The following EIF3A variants were observed in gnomAD, a reference collection of about 807,000 sequenced individuals.
EIF3A encodes eukaryotic translation initiation factor 3 subunit A.
EIF3A carries 21 observed loss-of-function variants against 186.6 expected under a neutral mutation model. The observed-to-expected ratio is 0.11, with a 90% CI of 0.08 to 0.16. The LOEUF is 0.16. Among genes scored for constraint, EIF3A ranks in the 10% least tolerant of loss-of-function variants. The probability of loss-of-function intolerance (pLI) is 1.00; values close to 1 mark genes in which losing one functional copy is unlikely to be tolerated. For missense variants in EIF3A, 1,306 were observed against 1,796.3 expected (o/e 0.73, Z 4.93); for synonymous variants, 563 against 584.3 (o/e 0.96, Z 0.52).
chr10:119,038,200 G>A (rs780829409), intron 20 of EIF3A, 38 bp downstream of exon 20: 59 of 1,564,274 alleles, frequency 3.8e-5, no homozygotes, highest in South Asian at 2.7e-4. Context: ...GAGCCACTGC[G>A]CCCGGCCTCT....
Position 119,056,864 on chromosome 10 carries a change from C to A in EIF3A, c.2083-11G>T, listed in dbSNP as rs760317450. The stretch of plus-strand genomic sequence containing the variant: ...TTCAAAATAGTCAATCTGAATGACA[C>A]GAAAACACACGTAGTTTTAAAAAAT... On this transcript the variant is annotated splice_polypyrimidine_tract_variant and intron_variant, in intron 13 of 21. Transcript: ENST00000369144. 1.9e-6 allele frequency: 3 copies of A among 1,600,202 alleles called. No homozygotes were observed. Among genetic ancestry groups the A allele is most frequent in the Admixed American group, 3.3e-5 (2 of 59,972 alleles).
chr10:119,036,438 C>T (rs188612933), intron 21 of EIF3A, among the ~76,000 whole-genome samples, 170 bp from the exon 22 acceptor site: 11 of 152,212 alleles, frequency 7.2e-5, no homozygotes, highest in Admixed American at 6.5e-4. Context: ...AAAGCTCATA[C>T]AATTTCTGAC....
chr10:119,069,206 G>C (rs1257810539), intron 6 of EIF3A, among the ~76,000 whole-genome samples: 1 of 38,634 alleles, frequency 2.6e-5, no homozygotes, highest in African/African-American at 3.3e-5. Context: ...AATGTCTTGA[G>C]ACGTCTTAAT....
At position 119,042,638 on chromosome 10, in the gene EIF3A, C is replaced by T. The variant is rs1476435369; in HGVS notation, c.2882G>A (p.Gly961Asp). The T allele has an allele frequency of 6.2e-7, 1 of 1,614,218 alleles. No individual in the cohort carries two copies. Among genetic ancestry groups the T allele is most frequent in the Non-Finnish European group, 8.5e-7 (1 of 1,180,046 alleles). Residue 961 changes from glycine to aspartate, a missense_variant, in exon 19 of 22, where the codon GGC (glycine) becomes GAC (aspartate). Gly to Asp is a moderately conservative substitution (Grantham distance 94, BLOSUM62 -1). Around this residue, in one of 8 missense-constraint regions of EIF3A, gnomAD observed 410 missense variants for 473.5 expected, o/e 0.87. Coordinates refer to ENST00000369144, the MANE Select transcript of EIF3A (RefSeq NM_003750.4). The surrounding 1 kb of genome is among the most constrained non-coding windows in gnomAD (Gnocchi z 7.8). ...RPDDDRVPRR[G>D]MDDDRGPRRG... is the part of the protein sequence containing the mutation. The stretch of plus-strand genomic sequence containing the variant: ...TCTAGGGCCTCTGTCATCATCCATG[C>T]CACGCCGGGGAACCCGATCATCGTC...
At chr10:119,074,267 A>C (rs1161831173) in intron 1 of EIF3A, among the ~76,000 whole-genome samples, 1 of 152,128 alleles carries the variant, frequency 6.6e-6, no homozygotes, top group East Asian at 1.9e-4. Context: ...AGAGCTGGAG[A>C]CCAGCCTGGC....
chr10:119,059,892 G>C (rs1186302921), intron 9 of EIF3A, 174 bp from the exon 10 acceptor site: 1 of 650,074 alleles, frequency 1.5e-6, no homozygotes, highest in East Asian at 2.6e-5. Flanking sequence ...TCCATGCTTT[G>C]AGAACCATTA....
chr10:119,051,133 G>T, intron 15 of EIF3A, 66 bp downstream of exon 15: 1 of 1,422,918 alleles, frequency 7.0e-7, no homozygotes, highest in South Asian at 1.4e-5. Flanking sequence ...ATTTGTTAAG[G>T]GAGAACCCTT....
rs1848120682 is a variant in EIF3A at position 119,035,876 on chromosome 10, A to G, written c.*163T>C. The G allele has an allele frequency of 3.4e-6, 2 of 582,934 alleles. No homozygotes were observed. The highest frequency in any genetic ancestry group is 6.0e-6 in the Non-Finnish European group (2 of 332,078). 36.1% of individuals were successfully genotyped at this position (582,934 alleles called of 1,614,324 possible). ...TTCCAACCTCCTGTGGATATGGTGCATGATCAATCTATTATATAGGATTAA... is the reference window on the plus strand; with the variant it reads ...TTCCAACCTCCTGTGGATATGGTGCGTGATCAATCTATTATATAGGATTAA... On this transcript the variant is annotated 3_prime_UTR_variant, in exon 22 of 22. Transcript: ENST00000369144.
Position 119,042,717 on chromosome 10 carries a change from C to T in EIF3A, c.2803G>A (p.Glu935Lys), listed in dbSNP as rs772556791. 1 of 1,613,714 alleles carries T rather than the reference C, an allele frequency of 6.2e-7. No individual in the cohort carries two copies. Among genetic ancestry groups the T allele is most frequent in the Non-Finnish European group, 8.5e-7 (1 of 1,180,026 alleles). The change falls in exon 19 of 22, where the codon GAG becomes AAG. Residue 935 changes from glutamate to lysine, a missense_variant. This residue lies in a region of EIF3A where 410 missense variants were observed against 473.5 expected (regional missense o/e 0.87). Transcript: ENST00000369144. The surrounding 1 kb of genome is among the most constrained non-coding windows in gnomAD (Gnocchi z 7.8). ...DEDRSHRRDE[E>K]RPRRLGDDED... ...TCATCCCCCAGACGCCGGGGCCGCT[C>T]TTCATCTCTTCTATGAGACCTGTCC...
rs182595292 is a variant in EIF3A, at chr10:119,079,973, T to C, written c.49+655A>G. Among the ~76,000 whole-genome samples the C allele has an allele frequency of 1.1e-4, 17 of 152,202 alleles. 1 individual carries two copies. Among genetic ancestry groups the C allele is most frequent in the Admixed American group, 9.8e-4 (15 of 15,284 alleles). On this transcript the variant is annotated intron_variant, in intron 1 of 21. Transcript: ENST00000369144. ...AGGCTTTAGGACTGCTTCTAATCAA[T>C]GCCAGGAAAAATGAAAAAACAAAAA...
chr10:119,056,398 G>A (rs1357203322), intron 14 of EIF3A, among the ~76,000 whole-genome samples: 1 of 152,146 alleles, frequency 6.6e-6, no homozygotes, highest in Non-Finnish European at 1.5e-5. Flanking sequence ...ACTTCTTTTT[G>A]AGACGTGTTT....
chr10:119,059,871 C>G, intron 9 of EIF3A, 153 bp from the exon 10 acceptor site: 1 of 668,142 alleles, frequency 1.5e-6, no homozygotes, highest in South Asian at 1.7e-5. Context: ...CCCAGACCAT[C>G]GACTCTAAAC....
At chr10:119,069,687 A>C (rs754566567) in intron 5 of EIF3A, 33 bp from the exon 6 acceptor site, 2 of 1,050,948 alleles carry the variant, frequency 1.9e-6, no homozygotes, top group African/African-American at 3.1e-5. Flanking sequence ...AAGTCATTGC[A>C]TTCTATAACA....
chr10:119,062,641 CAGAGTTTTAGTGGCTCAA>C (rs888992269), intron 7 of EIF3A, among the ~76,000 whole-genome samples: 1 of 151,698 alleles, frequency 6.6e-6, no homozygotes, highest in Non-Finnish European at 1.5e-5. Context: ...GACTTGCTCA[CAGAGTTTTAGTGGCTCAA>C]ATTCTACTTC....
At chr10:119,054,347 T>C (rs1342591938) in intron 14 of EIF3A, among the ~76,000 whole-genome samples, 2 of 152,160 alleles carry the variant, frequency 1.3e-5, no homozygotes, top group Non-Finnish European at 2.9e-5. Context: ...AATGAAACTT[T>C]TTCCATATCA....
chr10:119,055,021 C>G (rs1848405785), intron 14 of EIF3A, among the ~76,000 whole-genome samples: 1 of 152,028 alleles, frequency 6.6e-6, no homozygotes, highest in Non-Finnish European at 1.5e-5. Context: ...ACCAGCCCAG[C>G]CAACACGGTG....
chr10:119,066,761 T>C (rs1263513494), intron 6 of EIF3A, among the ~76,000 whole-genome samples: 1 of 152,052 alleles, frequency 6.6e-6, no homozygotes, highest in Non-Finnish European at 1.5e-5. Context: ...TCCAAGACTG[T>C]GACCGTAGGC....
At chr10:119,069,114 G>A (rs1313155429) in intron 6 of EIF3A, among the ~76,000 whole-genome samples, 2 of 152,162 alleles carry the variant, frequency 1.3e-5, no homozygotes, top group East Asian at 3.8e-4. Flanking sequence ...TCTCAATTGG[G>A]CTTTTAGCGG....
chr10:119,040,535 T>G (rs1848193520), intron 19 of EIF3A, among the ~76,000 whole-genome samples: 1 of 152,176 alleles, frequency 6.6e-6, no homozygotes, highest in South Asian at 2.1e-4. Context: ...ATGTGCTATA[T>G]GCAGTAAGCA....
Sources: allele counts gnomAD v4.1 joint callset (sites outside exome capture counted in the v4.1 genomes callset), GRCh38; gene constraint gnomAD v4.1.1; regional missense constraint gnomAD v4.1.1; non-coding constraint Gnocchi (gnomAD v3.1); transcripts MANE v1.5; gene names NCBI Gene and HGNC (gene_info 2026-07-23, HGNC 2026-07-21).